SLC8A1: variants seen among roughly 807,000 people sequenced by gnomAD.
SLC8A1 encodes sodium/calcium exchanger 1.
A neutral mutation model predicts 68.3 loss-of-function variants in SLC8A1; 18 were observed. That is an observed-to-expected ratio of 0.26 (90% confidence interval 0.18 to 0.39). The LOEUF is 0.39. Among genes scored for constraint, SLC8A1 ranks in the 10% least tolerant of loss-of-function variants. The pLI, the probability that SLC8A1 is intolerant of heterozygous loss-of-function variation, is 1.00. For missense variants in SLC8A1, 985 were observed against 1,156.7 expected (o/e 0.85, Z 2.15); for synonymous variants, 475 against 415.5 (o/e 1.14, Z -1.74).
intron 2 of SLC8A1, among the ~76,000 whole-genome samples, chr2:40,427,537 T>C (rs922108097): frequency 6.6e-6 from 1 of 151,858 alleles, no homozygotes; most frequent in African/African-American, 2.4e-5. Context: ...AAATTGTTCA[T>C]AGAGTCAAAT....
At chr2:40,102,005 G>T (rs1312833248) in exon 8 of SLC8A1, 1 of 152,168 alleles carries the variant, frequency 6.6e-6, no homozygotes, top group Non-Finnish European at 1.5e-5. Context: ...TGGGGACAAA[G>T]ATTTTCCATG....
At chr2:40,476,533 G>C (rs186016434) in intron 1 of SLC8A1, among the ~76,000 whole-genome samples, 1 of 152,202 alleles carries the variant, frequency 6.6e-6, no homozygotes, top group South Asian at 2.1e-4. Flanking sequence ...TAGTGAAGGC[G>C]TCATTGAGCA....
At chr2:40,303,120 T>A (rs910918554) in intron 2 of SLC8A1, among the ~76,000 whole-genome samples, 1 of 152,166 alleles carries the variant, frequency 6.6e-6, no homozygotes, top group African/African-American at 2.4e-5. Flanking sequence ...TCTGATTCAT[T>A]TTGGATAAGT....
At chr2:40,447,293 G>A (rs1459680258) in intron 1 of SLC8A1, among the ~76,000 whole-genome samples, 1 of 152,068 alleles carries the variant, frequency 6.6e-6, no homozygotes, top group African/African-American at 2.4e-5. Context: ...ACTCCTCAGA[G>A]GACTTAAATG....
chr2:40,258,407 G>A (rs927059316), intron 2 of SLC8A1, among the ~76,000 whole-genome samples: 1 of 152,168 alleles, frequency 6.6e-6, no homozygotes, highest in African/African-American at 2.4e-5. Flanking sequence ...TTCCTTCTCA[G>A]ATTGGTCCTA....
intron 2 of SLC8A1, among the ~76,000 whole-genome samples, chr2:40,187,038 C>T (rs2050825221): frequency 6.6e-6 from 1 of 152,170 alleles, no homozygotes; most frequent in Admixed American, 6.5e-5. Flanking sequence ...TACCCAGTTA[C>T]TAAAAGGAGC....
exon 8 of SLC8A1, chr2:40,103,696 T>C (rs1178624543): frequency 6.6e-6 from 1 of 152,202 alleles, no homozygotes; most frequent in Non-Finnish European, 1.5e-5. Context: ...TTGGAATCCA[T>C]TCCAATCTCA....
chr2:40,501,103 G>C (rs1706035894), intron 1 of SLC8A1, among the ~76,000 whole-genome samples: 1 of 151,830 alleles, frequency 6.6e-6, no homozygotes, highest in African/African-American at 2.4e-5. Context: ...GCATTTTTCT[G>C]TCTGGAAATC....
At chr2:40,371,564 G>C (rs1296888114) in intron 2 of SLC8A1, among the ~76,000 whole-genome samples, 1 of 152,076 alleles carries the variant, frequency 6.6e-6, no homozygotes, top group African/African-American at 2.4e-5. Flanking sequence ...GACCGAATAG[G>C]CTAATGAAGG....
intron 2 of SLC8A1, chr2:40,255,011 T>A (rs1349076250): frequency 1.1e-4 from 16 of 151,124 alleles, no homozygotes; most frequent in African/African-American, 3.9e-4. Context: ...TATTTCTTCA[T>A]TTCTTCCTTG....
intron 1 of SLC8A1, among the ~76,000 whole-genome samples, chr2:40,487,165 G>A (rs1413990980): frequency 6.6e-6 from 1 of 152,098 alleles, no homozygotes; most frequent in East Asian, 1.9e-4. Context: ...TATAGGAAAT[G>A]TGCCTGATTA....
chr2:40,194,285 G>T (rs2052491701), intron 2 of SLC8A1, among the ~76,000 whole-genome samples: 1 of 152,110 alleles, frequency 6.6e-6, no homozygotes, highest in South Asian at 2.1e-4. Context: ...TCAGGTTAAT[G>T]ATTTACATGG....
chr2:40,145,181 A>G (rs1446092051), intron 6 of SLC8A1, among the ~76,000 whole-genome samples: 3 of 136,202 alleles, frequency 2.2e-5, no homozygotes, highest in African/African-American at 8.8e-5. Flanking sequence ...GAGACCATGC[A>G]ATATTTTTCT....
At chr2:40,271,022 C>A (rs188179707) in intron 2 of SLC8A1, among the ~76,000 whole-genome samples, 11 of 152,172 alleles carry the variant, frequency 7.2e-5, no homozygotes, top group Non-Finnish European at 1.0e-4. Flanking sequence ...CCTCACTGGT[C>A]CACTGTGGTC....
At chr2:40,278,829 A>G (rs574526714) in intron 2 of SLC8A1, among the ~76,000 whole-genome samples, 37 of 152,332 alleles carry the variant, frequency 2.4e-4, no homozygotes, top group African/African-American at 8.4e-4. Context: ...CTTTAAAAAC[A>G]TGTAAAATTT....
chr2:40,453,561 G>A (rs550077844), upstream of SLC8A1: 1 of 152,196 alleles, frequency 6.6e-6, no homozygotes, highest in African/African-American at 2.4e-5. Flanking sequence ...GAATCTCCTG[G>A]GCCGTTTTTA....
At chr2:40,311,081 T>C (rs75971689) in intron 2 of SLC8A1, among the ~76,000 whole-genome samples, 5,990 of 152,212 alleles carry the variant, frequency 0.039, 378 homozygotes, top group African/African-American at 0.14. Context: ...GGGGTTCCTT[T>C]ACATTTTAAG....
chr2:40,332,218 G>T (rs2076488816), intron 2 of SLC8A1, among the ~76,000 whole-genome samples: 1 of 152,106 alleles, frequency 6.6e-6, no homozygotes, highest in Non-Finnish European at 1.5e-5. Context: ...AATGTCACAG[G>T]CTAGGTCTAC....
chr2:40,168,083 T>C (rs988639868), intron 4 of SLC8A1, among the ~76,000 whole-genome samples: 11 of 152,166 alleles, frequency 7.2e-5, no homozygotes, highest in South Asian at 4.1e-4. Context: ...GCACATCTCA[T>C]TGTACTCCAT....
Sources: allele counts gnomAD v4.1 joint callset (sites outside exome capture counted in the v4.1 genomes callset), GRCh38; gene constraint gnomAD v4.1.1; transcripts MANE v1.5; gene names NCBI Gene and HGNC (gene_info 2026-07-23, HGNC 2026-07-21).